Variants in TENM3 observed in about 807,000 individuals in gnomAD.
The protein encoded by TENM3 is teneurin transmembrane protein 3.
In TENM3, 63 loss-of-function variants were observed where a neutral mutation model predicts 255.1. The ratio of observed to expected loss-of-function variants is 0.25; its 90% CI spans 0.20 to 0.30. TENM3 has a LOEUF of 0.30. TENM3 is among the 10% of genes least tolerant of loss of function. The pLI is 1.00. For missense variants in TENM3, 2,929 were observed against 3,461.1 expected (o/e 0.85, Z 3.86); for synonymous variants, 1,306 against 1,322.3 (o/e 0.99, Z 0.27).
the TENM3 span, among the ~76,000 whole-genome samples, chr4:181,893,662 T>C: frequency 3.3e-5 from 5 of 152,098 alleles, no homozygotes; most frequent in African/African-American, 1.2e-4. Flanking sequence ...CCAAATGAAA[T>C]GTTCTCGTGA....
intron 24 of TENM3, among the ~76,000 whole-genome samples, chr4:182,785,562 G>C: frequency 6.6e-6 from 1 of 151,228 alleles, no homozygotes; most frequent in East Asian, 2.0e-4. Context: ...ACAAAAATTA[G>C]CCAGGCGTGG....
At chr4:182,164,158 A>G (rs768967147) in intron 1 of TENM3, among the ~76,000 whole-genome samples, 2 of 152,198 alleles carry the variant, frequency 1.3e-5, no homozygotes, top group Non-Finnish European at 2.9e-5. Context: ...ACCTTCGGTC[A>G]TCCTGGTATA....
In TENM3 at chr4:182,683,790, A is replaced by G. The variant is rs114871891; in HGVS notation, c.2035+1776A>G. 1.4e-3 allele frequency among the ~76,000 whole-genome samples: 214 copies of G among 152,296 alleles called. 3 individuals carry two copies. The highest frequency in any genetic ancestry group is 5.0e-3 in the African/African-American group (207 of 41,578). On this transcript the variant is annotated intron_variant, in intron 11 of 27. Coordinates refer to ENST00000511685, the MANE Select transcript of TENM3 (RefSeq NM_001080477.4). Reference sequence around the variant, plus strand: ...ATGAATTGTGAGACTTTGATGGCGAAGAGACAAGCTGGAGGACTTTCCCAC... The same window carrying G: ...ATGAATTGTGAGACTTTGATGGCGAGGAGACAAGCTGGAGGACTTTCCCAC...
At chr4:182,767,189 A>G (rs1208432366) in intron 22 of TENM3, among the ~76,000 whole-genome samples, 1 of 152,184 alleles carries the variant, frequency 6.6e-6, no homozygotes, top group East Asian at 1.9e-4. Flanking sequence ...TACATAAACC[A>G]TAGGTTCCTT....
chr4:182,085,598 C>T, the TENM3 span, among the ~76,000 whole-genome samples: 2 of 152,192 alleles, frequency 1.3e-5, no homozygotes, highest in African/African-American at 4.8e-5. Context: ...CTTCAATTCA[C>T]ACTTAAAAGA....
chr4:182,417,606 T>C (rs1448747560), intron 3 of TENM3, among the ~76,000 whole-genome samples: 1 of 152,180 alleles, frequency 6.6e-6, no homozygotes, highest in Non-Finnish European at 1.5e-5. Context: ...TAGTATCTAA[T>C]AAACGGCTAA....
chr4:181,647,798 A>G, the TENM3 span, among the ~76,000 whole-genome samples: 1 of 152,310 alleles, frequency 6.6e-6, no homozygotes, highest in South Asian at 2.1e-4. Context: ...TAGCGAAGAA[A>G]CACGAAGGCG....
intron 1 of TENM3, among the ~76,000 whole-genome samples, chr4:182,318,227 A>G (rs1762857182): frequency 6.6e-6 from 1 of 152,142 alleles, no homozygotes; most frequent in African/African-American, 2.4e-5. Flanking sequence ...TTGGGTTTGG[A>G]TATTTGTTAT....
the TENM3 span, among the ~76,000 whole-genome samples, chr4:181,546,700 C>T: frequency 1.0e-4 from 13 of 123,966 alleles, no homozygotes; most frequent in African/African-American, 2.0e-4. Flanking sequence ...GGCGACAGAG[C>T]GAGACTCCGT....
chr4:182,306,480 C>T (rs1762139911), intron 1 of TENM3, among the ~76,000 whole-genome samples: 1 of 152,124 alleles, frequency 6.6e-6, no homozygotes, highest in African/African-American at 2.4e-5. Context: ...GTGTTTCCTA[C>T]TTGAATCTTT....
the TENM3 span, among the ~76,000 whole-genome samples, chr4:181,729,336 C>T: frequency 1.3e-3 from 204 of 152,226 alleles, no homozygotes; most frequent in African/African-American, 4.5e-3. Flanking sequence ...TTGCTCTAAA[C>T]GTGCTTGCCA....
the TENM3 span, among the ~76,000 whole-genome samples, chr4:182,060,285 C>G: frequency 6.6e-6 from 1 of 152,110 alleles, no homozygotes; most frequent in African/African-American, 2.4e-5. Context: ...AGTCCCCAAC[C>G]TTTTTGGCAC....
intron 3 of TENM3, among the ~76,000 whole-genome samples, chr4:182,466,653 A>G (rs1295028846): frequency 6.6e-6 from 1 of 152,050 alleles, no homozygotes; most frequent in Non-Finnish European, 1.5e-5. Flanking sequence ...TTATCTTATA[A>G]GAACCCTGTC....
At chr4:182,287,095 G>A (rs902780288) in intron 1 of TENM3, among the ~76,000 whole-genome samples, 3 of 152,194 alleles carry the variant, frequency 2.0e-5, no homozygotes, top group Non-Finnish European at 2.9e-5. Flanking sequence ...GGGTGCCGTG[G>A]TGCATGACTG....
chr4:182,469,630 C>T (rs1732925468), intron 3 of TENM3, among the ~76,000 whole-genome samples: 1 of 151,398 alleles, frequency 6.6e-6, no homozygotes, highest in Non-Finnish European at 1.5e-5. Context: ...AAGAGAATTG[C>T]TTGAACCTGG....
chr4:181,830,094 C>T, the TENM3 span: 5 of 152,342 alleles, frequency 3.3e-5, no homozygotes, highest in Admixed American at 2.0e-4. Context: ...GTTCTCCACC[C>T]AGTGGAAGCA....
At chr4:182,677,897 CCAA>C (rs1480887008) in intron 7 of TENM3, among the ~76,000 whole-genome samples, 2 of 152,040 alleles carry the variant, frequency 1.3e-5, no homozygotes, top group African/African-American at 2.4e-5. Flanking sequence ...CTCAGAAATT[CCAA>C]CAACTGATTT....
At chr4:181,730,989 C>G in the TENM3 span, among the ~76,000 whole-genome samples, 1 of 152,130 alleles carries the variant, frequency 6.6e-6, no homozygotes, top group Non-Finnish European at 1.5e-5. Flanking sequence ...GAATCCTGTT[C>G]CACATTATGA....
the TENM3 span, among the ~76,000 whole-genome samples, chr4:181,470,629 C>G: frequency 6.6e-6 from 1 of 152,058 alleles, no homozygotes; most frequent in Non-Finnish European, 1.5e-5. Flanking sequence ...AATTTATTTC[C>G]TCTGTTAAAA....
Sources: allele counts gnomAD v4.1 joint callset (sites outside exome capture counted in the v4.1 genomes callset), GRCh38; gene constraint gnomAD v4.1.1; transcripts MANE v1.5; gene names NCBI Gene and HGNC (gene_info 2026-07-23, HGNC 2026-07-21).